The following SLC17A7 variants were observed in gnomAD, a reference collection of about 807,000 sequenced individuals.
SLC17A7 encodes vesicular glutamate transporter 1.
In SLC17A7, 15 loss-of-function variants were observed where a neutral mutation model predicts 59.1. That is an observed-to-expected ratio of 0.25 (90% CI 0.17 to 0.39). The LOEUF (loss-of-function observed/expected upper bound fraction) is 0.39. Among genes scored for constraint, SLC17A7 ranks in the 10% least tolerant of loss-of-function variants. The pLI is 1.00. For synonymous variants in SLC17A7, 353 were observed against 308.9 expected, an observed-to-expected ratio of 1.14 and a Z score of -1.50; for missense variants, 499 against 765.1, an observed-to-expected ratio of 0.65 and a Z score of 4.10.
intron 8 of SLC17A7, 79 bp from the exon 9 acceptor site, chr19:49,432,730 C>T: frequency 6.2e-7 from 1 of 1,602,818 alleles, no homozygotes; most frequent in Non-Finnish European, 8.5e-7. Context: ...GCACCACCGG[C>T]TCCTCCCTGC....
chr19:49,436,866 AG>A lies in SLC17A7; in HGVS notation c.63-66del. 1 of 1,524,200 alleles carries A rather than the reference AG, an allele frequency of 6.6e-7. No homozygotes were observed. Among genetic ancestry groups the A allele is most frequent in the Non-Finnish European group, 8.7e-7 (1 of 1,149,222 alleles). The allele number at this position is 1,524,200 out of a possible 1,614,324, so 94.4% of individuals were successfully genotyped here. A position where few individuals can be genotyped will look rare whatever the true frequency, so the allele number is the denominator to read the frequency against. On this transcript the variant is annotated intron_variant, in intron 1 of 11. Coordinates refer to ENST00000221485, the MANE Select transcript of SLC17A7 (RefSeq NM_020309.4). The surrounding 1 kb of genome is among the most constrained non-coding windows in gnomAD (Gnocchi z 4.1). ...CCCCAGCCCCCTCACCCCCAAGACC[AG>A]GATCCAGGGCAAAACCTGCTTTTCA...
At position 49,430,762 on chromosome 19, in the gene SLC17A7, A is replaced by G. The variant is rs149545868; in HGVS notation, c.1440T>C (p.Tyr480=). 10 of 1,613,898 alleles carry G rather than the reference A, an allele frequency of 6.2e-6. No homozygotes were observed. Among genetic ancestry groups the G allele is most frequent in the African/African-American group, 1.3e-5 (1 of 74,894 alleles). The stretch of plus-strand genomic sequence containing the variant: ...AGACCCCGTAGAAGATGACACCTCC[A>G]TAGTGCACCAGGGAGGCAATTAGGA... ...YVFLIASLVH[Y]GGVIFYGVFA... is the part of the protein sequence containing the mutation. Residue 480 remains tyrosine (Y), a synonymous_variant, in exon 12 of 12, where the codon TAT becomes TAC. Coordinates refer to ENST00000221485, the MANE Select transcript of SLC17A7 (RefSeq NM_020309.4).
chr19:49,435,445 T>C (rs1463158072), intron 2 of SLC17A7, 159 bp from the exon 3 acceptor site: 5 of 624,240 alleles, frequency 8.0e-6, no homozygotes, highest in Non-Finnish European at 1.4e-5. Flanking sequence ...TTTCTGTCAA[T>C]TAAAGTCTAC....
chr19:49,432,713 G>C (rs1193272155), intron 8 of SLC17A7, 62 bp from the exon 9 acceptor site: 2 of 1,604,882 alleles, frequency 1.2e-6, no homozygotes, highest in Non-Finnish European at 1.7e-6. Context: ...GTCTCTGCCC[G>C]GTCCGTGCAC....
Position 49,434,561 on chromosome 19 carries a change from C to G in SLC17A7, c.637+41G>C, listed in dbSNP as rs977991828. On this transcript the variant is annotated intron_variant, in intron 5 of 11. Coordinates refer to ENST00000221485, the MANE Select transcript of SLC17A7 (RefSeq NM_020309.4). Reference sequence around the variant, plus strand: ...CCCAACAGTCCAGGCCCCAACCCCTCCTCCCTCAGATTCAGGAGTGAGGAT... The same window carrying G: ...CCCAACAGTCCAGGCCCCAACCCCTGCTCCCTCAGATTCAGGAGTGAGGAT... 12 of 1,557,092 alleles carry G rather than the reference C, an allele frequency of 7.7e-6. No individual in the cohort carries two copies. The African/African-American group carries it at 1.5e-4, about 20-fold the overall frequency.
At chr19:49,435,119 C>T in intron 3 of SLC17A7, 49 bp downstream of exon 3, 1 of 1,404,354 alleles carries the variant, frequency 7.1e-7, no homozygotes, top group Non-Finnish European at 1.0e-6. Context: ...CCTCTAACTC[C>T]ACCCACACAA....
In SLC17A7 at chr19:49,430,593, G is replaced by C; in HGVS notation, c.1609C>G (p.Pro537Ala). The C allele has an allele frequency of 6.2e-7, 1 of 1,612,500 alleles. No individual in the cohort carries two copies. Among genetic ancestry groups the C allele is most frequent in the Non-Finnish European group, 8.5e-7 (1 of 1,179,094 alleles). ...EAEPPGAPPAPPPSYGATHST... is the reference protein window; with the variant it reads ...EAEPPGAPPAAPPSYGATHST... The stretch of plus-strand genomic sequence containing the variant: ...TGTGTGGCCCCATAGGAGGGCGGGG[G>C]TGCAGGGGGTGCCCCCGGGGGCTCA... The change falls in exon 12 of 12, where the codon CCC becomes GCC. Residue 537 changes from proline (P) to alanine (A), a missense_variant. By Grantham distance (27) the Pro-to-Ala change is conservative. This residue lies in a region of SLC17A7 where 98 missense variants were observed against 77.5 expected (regional missense o/e 1.27). Transcript: ENST00000221485.
rs962031395 is a variant in SLC17A7 at position 49,436,538 on chromosome 19, C to T, written c.315+11G>A. On this transcript the variant is annotated intron_variant, in intron 2 of 11. Coordinates refer to ENST00000221485, the MANE Select transcript of SLC17A7 (RefSeq NM_020309.4). This position sits in a 1 kb window ranked among gnomAD's most constrained non-coding sequence, Gnocchi z 4.1. ...GGGCGGGGCTCTGCAAGGGCTCAGGCCTTGAGCTACCTGCACCACCACGTG... is the reference window on the plus strand; with the variant it reads ...GGGCGGGGCTCTGCAAGGGCTCAGGTCTTGAGCTACCTGCACCACCACGTG... 1.2e-6 allele frequency: 2 copies of T among 1,611,340 alleles called. No individual in the cohort carries two copies. The highest frequency in any genetic ancestry group is 1.7e-6 in the Non-Finnish European group (2 of 1,179,676).
chr19:49,433,332 C>A lies in SLC17A7; in HGVS notation c.868-372G>T. ...CTGGTCTGGAACTCCTGGGCTCAAG[C>A]GATCCTGCAGCCTCCACCCCCAAAG... is the stretch of plus-strand genomic sequence containing the variant. On this transcript the variant is annotated intron_variant, in intron 7 of 11. Transcript: ENST00000221485. This position sits in a 1 kb window ranked among gnomAD's most constrained non-coding sequence, Gnocchi z 5.7. 2.4e-6 allele frequency: 1 copy of A among 409,994 alleles called. No individual in the cohort carries two copies. Among genetic ancestry groups the A allele is most frequent in the Admixed American group, 4.1e-5 (1 of 24,186 alleles). 25.4% of individuals were successfully genotyped at this position (409,994 alleles called of 1,614,324 possible). A position where few individuals can be genotyped will look rare whatever the true frequency, so the allele number is the denominator to read the frequency against.
chr19:49,432,720 GCACCAC>G, intron 8 of SLC17A7, 69 bp from the exon 9 acceptor site: 1 of 1,605,336 alleles, frequency 6.2e-7, no homozygotes, highest in South Asian at 1.1e-5. Flanking sequence ...CCCGGTCCGT[GCACCAC>G]CGGCTCCTCC....
In SLC17A7 at chr19:49,431,429, C is replaced by G; in HGVS notation, c.1170G>C (p.Thr390=). The G allele has an allele frequency of 6.2e-7, 1 of 1,613,950 alleles. No homozygotes were observed. The highest frequency in any genetic ancestry group is 8.5e-7 in the Non-Finnish European group (1 of 1,179,966). Reference sequence around the variant, plus strand: ...GCGAGTAGCCGACCACCAACAGCAGCGTGGCTTCCATGCCGAAGCCTACGG... The same window carrying G: ...GCGAGTAGCCGACCACCAACAGCAGGGTGGCTTCCATGCCGAAGCCTACGG... ...MNCGGFGMEA[T]LLLVVGYSHS... The change falls in exon 10 of 12, where the codon ACG becomes ACC. Residue 390 remains threonine, a synonymous_variant. Transcript: ENST00000221485. The surrounding 1 kb of genome is among the most constrained non-coding windows in gnomAD (Gnocchi z 4.6).
chr19:49,441,325 G>A lies in SLC17A7; in HGVS notation c.55C>T (p.Leu19=). 1.2e-6 allele frequency: 2 copies of A among 1,610,284 alleles called. No homozygotes were observed. The highest frequency in any genetic ancestry group is 1.7e-5 in the Admixed American group (1 of 59,840). The change falls in exon 1 of 12, where the codon CTG becomes TTG. Residue 19 remains leucine, a synonymous_variant. Coordinates refer to ENST00000221485, the MANE Select transcript of SLC17A7 (RefSeq NM_020309.4). ...RKLAGRALGK[L]HRLLEKRQEG... ...GACCCCCGCCAGGCTCACCGGTGCA[G>A]CTTCCCGAGAGCACGACCCGCTAGC... is the stretch of plus-strand genomic sequence containing the variant.
In SLC17A7 at chr19:49,433,017, C is replaced by T; in HGVS notation, c.868-57G>A. 2 of 1,536,152 alleles carry T rather than the reference C, an allele frequency of 1.3e-6. No homozygotes were observed. The highest frequency in any genetic ancestry group is 1.2e-5 in the South Asian group (1 of 83,882). On this transcript the variant is annotated intron_variant, in intron 7 of 11. Coordinates refer to ENST00000221485, the MANE Select transcript of SLC17A7 (RefSeq NM_020309.4). This position sits in a 1 kb window ranked among gnomAD's most constrained non-coding sequence, Gnocchi z 5.7. ...GGGAGCGGGGCTGAGGGCTTCTCCG[C>T]GTCCCTTCAGGGACCACAGTGTAGT...
Position 49,433,966 on chromosome 19 carries a change from C to T in SLC17A7, c.718G>A (p.Val240Ile), listed in dbSNP as rs1303946842. The T allele has an allele frequency of 3.1e-6, 5 of 1,613,476 alleles. No individual in the cohort carries two copies. In the East Asian group the frequency reaches 8.9e-5, roughly 29 times the overall value. ...QYSGWSSVFY[V>I]YGSFGIFWYL... ...AGGCATCCGGGTCCCTCACCGTAGA[C>T]GTAGAAAACAGAGCTCCATCCTGAG... The change falls in exon 6 of 12, where the codon GTC becomes ATC. Residue 240 changes from valine to isoleucine, a missense_variant. Physicochemically the swap from Val to Ile is conservative, Grantham distance 29. Around this residue, in one of 3 missense-constraint regions of SLC17A7, gnomAD observed 323 missense variants for 607.2 expected, o/e 0.53. Coordinates refer to ENST00000221485, the MANE Select transcript of SLC17A7 (RefSeq NM_020309.4). This position sits in a 1 kb window ranked among gnomAD's most constrained non-coding sequence, Gnocchi z 5.7.
In SLC17A7 at chr19:49,431,782, GTT is replaced by G. The variant is rs70954427; in HGVS notation, c.1151-336_1151-335del. 1.6e-3 allele frequency among the ~76,000 whole-genome samples: 231 copies of G among 148,728 alleles called. No homozygotes were observed. Among genetic ancestry groups the G allele is most frequent in the East Asian group, 4.6e-3 (23 of 4,990 alleles). The stretch of plus-strand genomic sequence containing the variant: ...CTCAATCCCCACTCATGAGTTTTTG[GTT>G]TTTTTTTTTTTTAATTTTTGATTTT... On this transcript the variant is annotated intron_variant, in intron 9 of 11. Coordinates refer to ENST00000221485, the MANE Select transcript of SLC17A7 (RefSeq NM_020309.4). This position sits in a 1 kb window ranked among gnomAD's most constrained non-coding sequence, Gnocchi z 4.6.
At position 49,431,805 on chromosome 19, in the gene SLC17A7, A is replaced by G. The variant is rs896532824; in HGVS notation, c.1151-357T>C. Among the ~76,000 whole-genome samples the G allele has an allele frequency of 3.4e-5, 5 of 146,166 alleles. No homozygotes were observed. The highest frequency in any genetic ancestry group is 2.2e-4 in the South Asian group (1 of 4,620). On this transcript the variant is annotated intron_variant, in intron 9 of 11. Transcript: ENST00000221485. This position sits in a 1 kb window ranked among gnomAD's most constrained non-coding sequence, Gnocchi z 4.6. ...TGGTTTTTTTTTTTTTTAATTTTTG[A>G]TTTTTTATTTTTTTTAAGAGACAAA...
chr19:49,435,569 A>T, intron 2 of SLC17A7: 1 of 327,842 alleles, frequency 3.1e-6, no homozygotes, highest in East Asian at 6.1e-5. Context: ...CTAGGGGCCC[A>T]TGTATGATGA....
rs760412720 is a variant in SLC17A7 at position 49,436,545 on chromosome 19, C to A, written c.315+4G>T. 6.2e-7 allele frequency: 1 copy of A among 1,612,212 alleles called. No individual in the cohort carries two copies. On this transcript the variant is annotated splice_donor_region_variant and intron_variant, in intron 2 of 11. Coordinates refer to ENST00000221485, the MANE Select transcript of SLC17A7 (RefSeq NM_020309.4). The surrounding 1 kb of genome is among the most constrained non-coding windows in gnomAD (Gnocchi z 4.1). ...GCTCTGCAAGGGCTCAGGCCTTGAG[C>A]TACCTGCACCACCACGTGGCCCCCG...
Position 49,430,268 on chromosome 19 carries a change from C to G in SLC17A7, c.*251G>C. ...CCCTGAAAGGAGAGATTTGAAACCA[C>G]TGAGGCAGAACGGGTGGAGAGGGAA... On this transcript the variant is annotated 3_prime_UTR_variant, in exon 12 of 12. Transcript: ENST00000221485. The G allele has an allele frequency of 2.5e-6, 1 of 397,742 alleles. No homozygotes were observed. Among genetic ancestry groups the G allele is most frequent in the Non-Finnish European group, 4.5e-6 (1 of 223,432 alleles). 24.6% of individuals were successfully genotyped at this position (397,742 alleles called of 1,614,324 possible). A position where few individuals can be genotyped will look rare whatever the true frequency, so the allele number is the denominator to read the frequency against.
Sources: allele counts gnomAD v4.1 joint callset (sites outside exome capture counted in the v4.1 genomes callset), GRCh38; gene constraint gnomAD v4.1.1; regional missense constraint gnomAD v4.1.1; non-coding constraint Gnocchi (gnomAD v3.1); transcripts MANE v1.5; gene names NCBI Gene and HGNC (gene_info 2026-07-23, HGNC 2026-07-21).